The following PLEKHG1 variants were observed in gnomAD, a reference collection of about 807,000 sequenced individuals.
The protein encoded by PLEKHG1 is pleckstrin homology and RhoGEF domain containing G1, also known as pleckstrin homology domain-containing family G member 1.
In PLEKHG1, 44 loss-of-function variants were observed where a neutral mutation model predicts 100.8. The ratio of observed to expected loss-of-function variants is 0.44; its 90% confidence interval spans 0.34 to 0.56. The LOEUF (loss-of-function observed/expected upper bound fraction) is 0.56. PLEKHG1 is among the 20% of genes least tolerant of loss of function. The pLI, the probability that PLEKHG1 is intolerant of heterozygous loss-of-function variation, is 0.01. For synonymous variants in PLEKHG1, 640 were observed against 662.5 expected (o/e 0.97, Z 0.52); for missense variants, 1,545 against 1,720.9 (o/e 0.90, Z 1.81).
At chr6:150,781,907 G>A (rs1785334825) in intron 3 of PLEKHG1, among the ~76,000 whole-genome samples, 1 of 151,628 alleles carries the variant, frequency 6.6e-6, no homozygotes, top group Non-Finnish European at 1.5e-5. Context: ...AAATAGCTGG[G>A]ACTACAGGTG....
At chr6:150,732,742 C>T (rs1406503290) in intron 1 of PLEKHG1, among the ~76,000 whole-genome samples, 2 of 152,166 alleles carry the variant, frequency 1.3e-5, no homozygotes, top group East Asian at 1.9e-4. Flanking sequence ...GTCAGCTTCC[C>T]GAGTAGCTAA....
intron 3 of PLEKHG1, among the ~76,000 whole-genome samples, chr6:150,658,815 C>CT (rs1229835608): frequency 6.6e-6 from 1 of 152,230 alleles, no homozygotes; most frequent in Non-Finnish European, 1.5e-5. Flanking sequence ...ACCTTACCAG[C>CT]TGTCTCATCT....
At chr6:150,821,111 T>C in intron 12 of PLEKHG1, 84 bp from the exon 14 acceptor site, 2 of 1,042,444 alleles carry the variant, frequency 1.9e-6, no homozygotes, top group Non-Finnish European at 3.0e-6. Flanking sequence ...AATCTGTCAA[T>C]AGGCTCATAA....
At chr6:150,777,555 A>C (rs1439100814) in intron 3 of PLEKHG1, among the ~76,000 whole-genome samples, 1 of 148,246 alleles carries the variant, frequency 6.7e-6, no homozygotes, top group African/African-American at 2.5e-5. Context: ...ACTCACACTG[A>C]TGCAATCCTG....
chr6:150,612,922 C>T (rs780861374), intron 1 of PLEKHG1, among the ~76,000 whole-genome samples: 1 of 152,196 alleles, frequency 6.6e-6, no homozygotes, highest in Non-Finnish European at 1.5e-5. Context: ...CGCCTTCTAC[C>T]AGCCAGAGCA....
At chr6:150,718,334 C>T (rs149802977), upstream of PLEKHG1, among the ~76,000 whole-genome samples, 2,505 of 152,170 alleles carry the variant, frequency 0.016, 41 homozygotes, top group African/African-American at 0.038. Flanking sequence ...AGCACTGGAA[C>T]GCAGAACCAC....
intron 3 of PLEKHG1, among the ~76,000 whole-genome samples, chr6:150,674,675 CTCTCTCT>C (rs1240685685): frequency 1.0e-4 from 15 of 142,982 alleles, no homozygotes; most frequent in African/African-American, 1.3e-4. Context: ...CTCTCTCTCT[CTCTCTCT>C]CCCCCCTCTT....
chr6:150,665,236 A>G (rs926777015), intron 3 of PLEKHG1, among the ~76,000 whole-genome samples: 4 of 152,152 alleles, frequency 2.6e-5, no homozygotes, highest in African/African-American at 9.7e-5. Context: ...TCTTGCCTCT[A>G]TTGTCACCCA....
At chr6:150,668,024 A>G (rs1345404768) in intron 3 of PLEKHG1, among the ~76,000 whole-genome samples, 2 of 152,242 alleles carry the variant, frequency 1.3e-5, no homozygotes, top group Non-Finnish European at 2.9e-5. Context: ...AATACGTGCA[A>G]TAGGTCTTTC....
At chr6:150,636,096 C>T (rs2128564603) in intron 1 of PLEKHG1, among the ~76,000 whole-genome samples, 1 of 152,168 alleles carries the variant, frequency 6.6e-6, no homozygotes. Flanking sequence ...GTGCAAATAA[C>T]TGTGGAGTCA....
intron 2 of PLEKHG1, among the ~76,000 whole-genome samples, chr6:150,767,706 A>G (rs966526293): frequency 6.6e-6 from 1 of 152,084 alleles, no homozygotes; most frequent in African/African-American, 2.4e-5. Flanking sequence ...CGGTGCTGGG[A>G]TTTTCATGGT....
chr6:150,701,098 T>C (rs1780754216), intron 3 of PLEKHG1, among the ~76,000 whole-genome samples: 1 of 151,950 alleles, frequency 6.6e-6, no homozygotes, highest in Non-Finnish European at 1.5e-5. Flanking sequence ...GGTGGGTGGA[T>C]CACTTGAGGT....
chr6:150,645,556 A>G (rs1417048735), intron 2 of PLEKHG1, among the ~76,000 whole-genome samples: 1 of 152,220 alleles, frequency 6.6e-6, no homozygotes, highest in Non-Finnish European at 1.5e-5. Flanking sequence ...CAACAAATTC[A>G]TAAGCAGAAG....
At chr6:150,830,992 A>G in exon 15 of PLEKHG1, 1 of 1,614,076 alleles carries the variant, frequency 6.2e-7, no homozygotes. Flanking sequence ...CTAGTGACAG[A>G]ACTAGGGAAC....
At chr6:150,790,787 C>T (rs9397359) in intron 4 of PLEKHG1, among the ~76,000 whole-genome samples, 36,386 of 151,722 alleles carry the variant, frequency 0.24, 4,695 homozygotes, top group East Asian at 0.38. Context: ...TTTGGGAGGC[C>T]GAAGGGGGCA....
chr6:150,607,392 A>C (rs571294796), intron 1 of PLEKHG1, among the ~76,000 whole-genome samples: 8 of 152,288 alleles, frequency 5.3e-5, no homozygotes, highest in African/African-American at 1.7e-4. Flanking sequence ...TGTGCTGCAG[A>C]GAGAGGAAAA....
At chr6:150,695,756 C>T (rs1780519945) in intron 3 of PLEKHG1, among the ~76,000 whole-genome samples, 1 of 152,116 alleles carries the variant, frequency 6.6e-6, no homozygotes, top group South Asian at 2.1e-4. Flanking sequence ...CCCAAATGGA[C>T]ATTATTATTG....
At position 150,731,678 on chromosome 6, in the gene PLEKHG1, C is replaced by T. The variant is rs1302580178; in HGVS notation, c.-98-1906C>T. Among the ~76,000 whole-genome samples the T allele has an allele frequency of 2.0e-5, 3 of 152,096 alleles. No individual in the cohort carries two copies. In the South Asian group the frequency reaches 6.2e-4, roughly 32 times the overall value. ...TCCCTCTTCCATTTTTCTAGTAAAA[C>T]CTGTAAGCATGTTTTTGTGGTAAGG... is the stretch of plus-strand genomic sequence containing the variant. On this transcript the variant is annotated intron_variant, in intron 1 of 15. Transcript: ENST00000358517.
At chr6:150,610,109 CTTCTTTCT>C (rs570760795) in intron 1 of PLEKHG1, among the ~76,000 whole-genome samples, 14 of 152,048 alleles carry the variant, frequency 9.2e-5, no homozygotes, top group African/African-American at 3.4e-4. Context: ...TCCTTCTTTC[CTTCTTTCT>C]TTCTTTTTTT....
Sources: gnomAD v4.1 joint callset for allele counts (sites outside exome capture counted in the v4.1 genomes callset) on GRCh38, gnomAD v4.1.1 for gene constraint, MANE v1.5 for transcripts, NCBI Gene and HGNC (gene_info 2026-07-23, HGNC 2026-07-21) for gene names.